UNC80: variants seen among roughly 807,000 people sequenced by gnomAD.
UNC80 encodes protein unc-80 homolog.
Under a neutral mutation model 384.6 loss-of-function variants are expected in UNC80, and 164 were observed. That is an observed-to-expected ratio of 0.43 (90% CI 0.38 to 0.49). The LOEUF is 0.49. Ranked by LOEUF, UNC80 falls within the 20% of genes least tolerant of loss-of-function variation. The probability of loss-of-function intolerance (pLI) is 0.00; values close to 1 mark genes in which losing one functional copy is unlikely to be tolerated. For missense variants in UNC80, 3,330 were observed against 4,143.0 expected (o/e 0.80, Z 5.39); for synonymous variants, 1,486 against 1,527.8 (o/e 0.97, Z 0.64).
chr2:209,943,592 T>A, intron 45 of UNC80, 78 bp downstream of exon 45: 1 of 1,503,400 alleles, frequency 6.7e-7, no homozygotes, highest in Non-Finnish European at 9.0e-7. Context: ...GAGCTTACTA[T>A]GGCAAGGGAG....
In UNC80 at chr2:209,840,563, C is replaced by T; in HGVS notation, c.3272C>T (p.Ser1091Phe). 1.9e-6 allele frequency: 3 copies of T among 1,551,750 alleles called. No individual in the cohort carries two copies. The highest frequency in any genetic ancestry group is 2.6e-6 in the Non-Finnish European group (3 of 1,146,950). The change falls in exon 20 of 65, where the codon TCC becomes TTC. Residue 1091 changes from serine to phenylalanine, a missense_variant. Physicochemically the swap from Ser to Phe is radical, Grantham distance 155. Transcript: ENST00000673920. Reference protein sequence around the residue: ...LPIGNWLKRSSLSGLADGVED... With the variant: ...LPIGNWLKRSFLSGLADGVED... Reference sequence around the variant, plus strand: ...ATAGGGAACTGGCTGAAGAGATCATCCCTCTCAGGCCTGGCAGATGGTGTG... The same window carrying T: ...ATAGGGAACTGGCTGAAGAGATCATTCCTCTCAGGCCTGGCAGATGGTGTG...
intron 36 of UNC80, among the ~76,000 whole-genome samples, chr2:209,927,683 G>T (rs1248629997): frequency 3.3e-5 from 5 of 152,124 alleles, no homozygotes; most frequent in Admixed American, 2.6e-4. Flanking sequence ...ATACTTTGCT[G>T]ATGAAGTATA....
At chr2:209,816,827 T>C in intron 9 of UNC80, 82 bp from the exon 10 acceptor site, 1 of 1,265,432 alleles carries the variant, frequency 7.9e-7, no homozygotes, top group Non-Finnish European at 1.1e-6. Context: ...TGTATTTTAC[T>C]GCAGATCATG....
intron 7 of UNC80, among the ~76,000 whole-genome samples, chr2:209,811,691 C>A (rs987196718): frequency 4.6e-5 from 7 of 152,172 alleles, no homozygotes; most frequent in Admixed American, 3.9e-4. Context: ...TGTGTTTGAA[C>A]TTCAGTTTAT....
At chr2:209,852,189 G>T (rs1232418599) in intron 22 of UNC80, among the ~76,000 whole-genome samples, 1 of 152,048 alleles carries the variant, frequency 6.6e-6, no homozygotes, top group African/African-American at 2.4e-5. Context: ...CAAGCAGTGT[G>T]TGGGTAGTAG....
intron 48 of UNC80, among the ~76,000 whole-genome samples, chr2:209,955,649 G>GAAAGA (rs2092368052): frequency 7.4e-6 from 1 of 135,064 alleles, no homozygotes; most frequent in Non-Finnish European, 1.6e-5. Flanking sequence ...ACAACTAGAA[G>GAAAGA]AAAGAAAAGC....
Position 209,813,503 on chromosome 2 carries a change from G to T in UNC80, c.939-77G>T. On this transcript the variant is annotated intron_variant, in intron 7 of 64. Coordinates refer to ENST00000673920, the MANE Select transcript of UNC80 (RefSeq NM_001371986.1). Reference sequence around the variant, plus strand: ...AATAACTAAACAAATGAGAAAAGTAGAGCTATAAGCCATGCTGTGCTGCCC... The same window carrying T: ...AATAACTAAACAAATGAGAAAAGTATAGCTATAAGCCATGCTGTGCTGCCC... 2.9e-6 allele frequency: 4 copies of T among 1,393,214 alleles called. No individual in the cohort carries two copies. The South Asian group carries it at 4.5e-5, about 16-fold the overall frequency. 86.3% of individuals were successfully genotyped at this position (1,393,214 alleles called of 1,614,324 possible).
In UNC80 at chr2:209,856,946, T is replaced by A. The variant is rs1335917349; in HGVS notation, c.3627+7323T>A. On this transcript the variant is annotated intron_variant, in intron 22 of 64. Transcript: ENST00000673920. ...CTGGGACTACAGGCACCCGCCACCA[T>A]GCCTGGCTAAGTTTTGTATTTTTAG... Among the ~76,000 whole-genome samples, 7 of 151,990 alleles carry A rather than the reference T, an allele frequency of 4.6e-5. No homozygotes were observed. In the South Asian group the frequency reaches 1.0e-3, roughly 23 times the overall value.
chr2:209,977,104 ATTTG>A, intron 58 of UNC80, 26 bp downstream of exon 58: 1 of 1,462,350 alleles, frequency 6.8e-7, no homozygotes, highest in Middle Eastern at 2.3e-4. Context: ...AGTGTTGTGA[ATTTG>A]TTTGACTAAT....
chr2:209,946,391 GAAAA>G (rs1470992800), intron 47 of UNC80, among the ~76,000 whole-genome samples: 1 of 150,464 alleles, frequency 6.6e-6, no homozygotes, highest in East Asian at 1.9e-4. Flanking sequence ...AAGAAAGAAA[GAAAA>G]AAGAAAAGGA....
chr2:209,799,270 C>T (rs1559109681), intron 7 of UNC80, among the ~76,000 whole-genome samples: 1 of 151,964 alleles, frequency 6.6e-6, no homozygotes, highest in Non-Finnish European at 1.5e-5. Flanking sequence ...TTGTAGTTCT[C>T]CTTGAAAAGG....
At position 209,929,906 on chromosome 2, in the gene UNC80, C is replaced by T; in HGVS notation, c.5842C>T (p.Leu1948=). ...AVAQQVLWNC[L]IEDPSTVLRH... Reference sequence around the variant, plus strand: ...GGCTCAACAAGTCTTATGGAACTGTCTAATTGAAGATCCATCAACGGTTCT... The same window carrying T: ...GGCTCAACAAGTCTTATGGAACTGTTTAATTGAAGATCCATCAACGGTTCT... Residue 1948 remains leucine (L), a synonymous_variant, in exon 37 of 65, where the codon CTA becomes TTA. Transcript: ENST00000673920. 5.9e-6 allele frequency: 9 copies of T among 1,536,180 alleles called. No individual in the cohort carries two copies. Among genetic ancestry groups the T allele is most frequent in the Non-Finnish European group, 7.9e-6 (9 of 1,141,634 alleles).
intron 22 of UNC80, among the ~76,000 whole-genome samples, chr2:209,865,441 A>T (rs2083665018): frequency 6.6e-6 from 1 of 152,044 alleles, no homozygotes; most frequent in South Asian, 2.1e-4. Flanking sequence ...TCTCTACTAA[A>T]AATACAAAAA....
intron 13 of UNC80, among the ~76,000 whole-genome samples, chr2:209,823,460 GC>G (rs1235539830): frequency 2.0e-5 from 3 of 152,012 alleles, no homozygotes; most frequent in African/African-American, 7.3e-5. Context: ...CTACACAAAG[GC>G]CCTTGACGAA....
At chr2:209,918,408 T>G in intron 32 of UNC80, 124 bp from the exon 33 acceptor site, 1 of 1,160,486 alleles carries the variant, frequency 8.6e-7, no homozygotes, top group Non-Finnish European at 1.2e-6. Flanking sequence ...AAAATTCTTG[T>G]TCATTCTGTG....
At chr2:209,781,544 A>G (rs1376398446) in intron 4 of UNC80, among the ~76,000 whole-genome samples, 1 of 152,174 alleles carries the variant, frequency 6.6e-6, no homozygotes, top group Non-Finnish European at 1.5e-5. Flanking sequence ...TCTTCTTGAA[A>G]GGTTCAGTTC....
chr2:209,845,459 T>C (rs2082104592), intron 21 of UNC80, among the ~76,000 whole-genome samples: 1 of 152,270 alleles, frequency 6.6e-6, no homozygotes, highest in South Asian at 2.1e-4. Flanking sequence ...TGTTAGTTCA[T>C]TCTGGACTTT....
chr2:209,831,496 CA>C lies in UNC80; in HGVS notation c.2684del (p.Asn895MetfsTer67). On this transcript the variant is annotated frameshift_variant, in exon 16 of 65. Coordinates refer to ENST00000673920, the MANE Select transcript of UNC80 (RefSeq NM_001371986.1). LOFTEE classifies it high-confidence loss of function. ...CACAGTGGACAACAAATCCACAGCCCAAAATGTGGAAGGCATTATCGTCAGC... is the reference window on the plus strand; with the variant it reads ...CACAGTGGACAACAAATCCACAGCCCAAATGTGGAAGGCATTATCGTCAGC... ...FTTVDNKSTA[Q>X]NVEGIIVSAM... 1 of 1,551,268 alleles carries C rather than the reference CA, an allele frequency of 6.4e-7. No homozygotes were observed. The highest frequency in any genetic ancestry group is 8.7e-7 in the Non-Finnish European group (1 of 1,146,786).
intron 2 of UNC80, among the ~76,000 whole-genome samples, chr2:209,774,954 AT>A (rs2076782278): frequency 6.6e-6 from 1 of 152,214 alleles, no homozygotes; most frequent in Admixed American, 6.5e-5. Flanking sequence ...TATCCTAATA[AT>A]TCCAATAATA....
Sources: allele counts gnomAD v4.1 joint callset (sites outside exome capture counted in the v4.1 genomes callset), GRCh38; gene constraint gnomAD v4.1.1; transcripts MANE v1.5; gene names NCBI Gene and HGNC (gene_info 2026-07-23, HGNC 2026-07-21).